Variants in ZYG11B observed in about 807,000 individuals in gnomAD.
ZYG11B encodes the protein zyg-11 family member B, cell cycle regulator.
ZYG11B carries 36 observed loss-of-function variants against 82.4 expected under a neutral mutation model. That is an observed-to-expected ratio of 0.44 (90% CI 0.33 to 0.58). The LOEUF is 0.58. Among genes scored for constraint, ZYG11B ranks in the 20% least tolerant of loss-of-function variants. The pLI, the probability that ZYG11B is intolerant of heterozygous loss-of-function variation, is 0.02. For synonymous variants in ZYG11B, 303 were observed against 312.8 expected (o/e 0.97, Z 0.33); for missense variants, 552 against 895.6 (o/e 0.62, Z 4.90).
At position 52,813,564 on chromosome 1, in the gene ZYG11B, A is replaced by G; in HGVS notation, c.1724A>G (p.His575Arg). 6.2e-7 allele frequency: 1 copy of G among 1,613,278 alleles called. No individual in the cohort carries two copies. The highest frequency in any genetic ancestry group is 1.3e-5 in the African/African-American group (1 of 74,952). The change falls in exon 11 of 14, where the codon CAT becomes CGT. Residue 575 changes from histidine to arginine, a missense_variant. By Grantham distance (29) the His-to-Arg change is conservative (BLOSUM62 0). Coordinates refer to ENST00000294353, the MANE Select transcript of ZYG11B (RefSeq NM_024646.3). ...AATATAGCTGAAGTACAAGAATTAC[A>G]TTCTGAATTAATGTGGAAAGATTTT... ...LNNIAEVQELHSELMWKDFID... is the reference protein window; with the variant it reads ...LNNIAEVQELRSELMWKDFID...
chr1:52,766,487 A>C (rs534909400), intron 2 of ZYG11B, among the ~76,000 whole-genome samples: 1 of 151,884 alleles, frequency 6.6e-6, no homozygotes, highest in East Asian at 1.9e-4. Flanking sequence ...GTTGTCAAAT[A>C]ATTTTAACAT....
chr1:52,734,477 CA>C (rs1013738648), intron 1 of ZYG11B, among the ~76,000 whole-genome samples: 5 of 143,872 alleles, frequency 3.5e-5, no homozygotes, highest in African/African-American at 5.1e-5. Flanking sequence ...GTTGCCATCT[CA>C]AAAAAAAATA....
At chr1:52,753,896 A>C (rs1043290959) in intron 1 of ZYG11B, among the ~76,000 whole-genome samples, 2 of 151,384 alleles carry the variant, frequency 1.3e-5, no homozygotes, top group East Asian at 3.9e-4. Flanking sequence ...GTGCCTGGTC[A>C]CTTTTTGTAT....
intron 1 of ZYG11B, among the ~76,000 whole-genome samples, chr1:52,732,424 C>A (rs182469136): frequency 6.6e-6 from 1 of 152,040 alleles, no homozygotes; most frequent in African/African-American, 2.4e-5. Context: ...TGTATCTCCC[C>A]CTATTATTAG....
rs1180490690 is a variant in ZYG11B, at chr1:52,825,222, A to G, written c.*3593A>G. 1 of 152,034 alleles carries G rather than the reference A, an allele frequency of 6.6e-6. No homozygotes were observed. Among genetic ancestry groups the G allele is most frequent in the African/African-American group, 2.4e-5 (1 of 41,386 alleles). The allele number at this position is 152,034 out of a possible 1,614,324, so 9.4% of individuals were successfully genotyped here. A position where few individuals can be genotyped will look rare whatever the true frequency, so the allele number is the denominator to read the frequency against. On this transcript the variant is annotated 3_prime_UTR_variant, in exon 14 of 14. Coordinates refer to ENST00000294353, the MANE Select transcript of ZYG11B (RefSeq NM_024646.3). The stretch of plus-strand genomic sequence containing the variant: ...TGTGGTCTTTCTACTCCACAAAATA[A>G]TTTTTTCTTTTTGCAGTTGAAAATT...
At chr1:52,780,935 G>A (rs1377152562) in intron 4 of ZYG11B, among the ~76,000 whole-genome samples, 2 of 152,134 alleles carry the variant, frequency 1.3e-5, no homozygotes, top group Non-Finnish European at 2.9e-5. Flanking sequence ...TTGGGGCCAG[G>A]AGTTCTAGAC....
chr1:52,752,843 C>T (rs1395574890), intron 1 of ZYG11B, among the ~76,000 whole-genome samples: 1 of 101,820 alleles, frequency 9.8e-6, no homozygotes, highest in South Asian at 2.8e-4. Context: ...ACAATTCGGA[C>T]CATTTTTTTT....
intron 3 of ZYG11B, 62 bp from the exon 4 acceptor site, chr1:52,779,791 C>T (rs1644840041): frequency 6.3e-7 from 1 of 1,596,636 alleles, no homozygotes; most frequent in African/African-American, 1.3e-5. Flanking sequence ...CGCCTGGCCA[C>T]ACATGATAAT....
At chr1:52,815,851 C>T (rs1354143780) in intron 12 of ZYG11B, among the ~76,000 whole-genome samples, 5 of 152,060 alleles carry the variant, frequency 3.3e-5, no homozygotes, top group African/African-American at 9.7e-5. Flanking sequence ...AGGAGAATGC[C>T]GTGAACCCAG....
chr1:52,813,916 A>G lies in ZYG11B; in HGVS notation c.1946+4A>G. ...AGTGTGAGATGGTAGCATACAGGTAATTAGTATCATAATTAACAGTAAACC... is the reference window on the plus strand; with the variant it reads ...AGTGTGAGATGGTAGCATACAGGTAGTTAGTATCATAATTAACAGTAAACC... On this transcript the variant is annotated splice_donor_region_variant and intron_variant, in intron 12 of 13. Transcript: ENST00000294353. 2 of 1,613,822 alleles carry G rather than the reference A, an allele frequency of 1.2e-6. No homozygotes were observed. The highest frequency in any genetic ancestry group is 1.7e-6 in the Non-Finnish European group (2 of 1,179,910).
At chr1:52,775,036 G>A (rs1644792370) in intron 3 of ZYG11B, among the ~76,000 whole-genome samples, 1 of 150,004 alleles carries the variant, frequency 6.7e-6, no homozygotes, top group East Asian at 1.9e-4. Context: ...CCTCTTCCTT[G>A]AGATACCTTT....
intron 5 of ZYG11B, among the ~76,000 whole-genome samples, chr1:52,785,972 GA>G (rs1644909045): frequency 6.6e-6 from 1 of 152,010 alleles, no homozygotes; most frequent in African/African-American, 2.4e-5. Context: ...CATAAACTAT[GA>G]CTTCCTCCCC....
intron 1 of ZYG11B, among the ~76,000 whole-genome samples, chr1:52,743,992 G>A (rs1304489275): frequency 6.6e-6 from 1 of 151,856 alleles, no homozygotes; most frequent in African/African-American, 2.4e-5. Flanking sequence ...GAGTGCAGTG[G>A]CACAATTGAT....
At position 52,823,381 on chromosome 1, in the gene ZYG11B, A is replaced by G. The variant is rs1645297517; in HGVS notation, c.*1752A>G. The G allele has an allele frequency of 6.6e-6, 1 of 152,112 alleles. No homozygotes were observed. The highest frequency in any genetic ancestry group is 1.5e-5 in the Non-Finnish European group (1 of 68,030). The allele number at this position is 152,112 out of a possible 1,614,324, so 9.4% of individuals were successfully genotyped here. A position where few individuals can be genotyped will look rare whatever the true frequency, so the allele number is the denominator to read the frequency against. On this transcript the variant is annotated 3_prime_UTR_variant, in exon 14 of 14. Transcript: ENST00000294353. ...CGCTGACTCAAATAAATATCTAAATAGATATTTAGAATCACTGAAAACCAT... is the reference window on the plus strand; with the variant it reads ...CGCTGACTCAAATAAATATCTAAATGGATATTTAGAATCACTGAAAACCAT...
At chr1:52,749,084 TC>T (rs951027206) in intron 1 of ZYG11B, among the ~76,000 whole-genome samples, 2 of 151,340 alleles carry the variant, frequency 1.3e-5, no homozygotes, top group African/African-American at 4.9e-5. Context: ...GTGCCTGTAA[TC>T]CCAGGTACTT....
chr1:52,807,579 C>A (rs2149962814), intron 10 of ZYG11B, among the ~76,000 whole-genome samples: 1 of 150,992 alleles, frequency 6.6e-6, no homozygotes, highest in East Asian at 2.0e-4. Context: ...GCAGCCTCGA[C>A]CTCCTGGGCT....
chr1:52,758,129 G>T (rs972732118), intron 2 of ZYG11B, among the ~76,000 whole-genome samples: 1 of 150,578 alleles, frequency 6.6e-6, no homozygotes, highest in African/African-American at 2.5e-5. Context: ...AATCCAGGAG[G>T]CGGAGGTTGC....
chr1:52,810,589 G>A (rs1645174272), intron 10 of ZYG11B, among the ~76,000 whole-genome samples: 1 of 152,176 alleles, frequency 6.6e-6, no homozygotes, highest in Non-Finnish European at 1.5e-5. Flanking sequence ...AAAGGACACT[G>A]AGAGTCACTG....
At chr1:52,738,258 T>A (rs1644394750) in intron 1 of ZYG11B, among the ~76,000 whole-genome samples, 2 of 152,200 alleles carry the variant, frequency 1.3e-5, no homozygotes, top group Non-Finnish European at 1.5e-5. Flanking sequence ...TCGCCCAGGC[T>A]GGAGTACAGT....
Sources: allele counts gnomAD v4.1 joint callset (sites outside exome capture counted in the v4.1 genomes callset), GRCh38; gene constraint gnomAD v4.1.1; transcripts MANE v1.5; gene names NCBI Gene and HGNC (gene_info 2026-07-23, HGNC 2026-07-21).